Variants in DAB1 observed in about 807,000 individuals in gnomAD.
DAB1 encodes the protein DAB adaptor protein 1.
A neutral mutation model predicts 64.6 loss-of-function variants in DAB1; 15 were observed. The observed-to-expected ratio is 0.23, with a 90% CI of 0.16 to 0.36. DAB1 has a LOEUF of 0.36. DAB1 is among the 10% of genes least tolerant of loss of function. DAB1 has a pLI of 1.00. For missense variants in DAB1, 596 were observed against 706.7 expected, an observed-to-expected ratio of 0.84 and a Z score of 1.78; for synonymous variants, 235 against 251.9, an observed-to-expected ratio of 0.93 and a Z score of 0.64.
intron 7 of DAB1, among the ~76,000 whole-genome samples, chr1:57,601,176 T>C (rs560802905): frequency 9.8e-5 from 15 of 152,328 alleles, no homozygotes; most frequent in African/African-American, 3.1e-4. Context: ...AGGGTCTCTA[T>C]ACTTCCCGAG....
intron 1 of DAB1, among the ~76,000 whole-genome samples, chr1:57,393,288 C>T (rs890913301): frequency 6.6e-6 from 1 of 152,098 alleles, no homozygotes; most frequent in African/African-American, 2.4e-5. Flanking sequence ...GTCATTACTG[C>T]CAGTGATTCA....
chr1:57,023,773 C>A, intron 10 of DAB1, 134 bp from the exon 11 acceptor site: 1 of 652,280 alleles, frequency 1.5e-6, no homozygotes. Context: ...GTGTGCAGCC[C>A]ATGTGCTGGT....
rs565966373 is a variant in DAB1, at chr1:58,407,841, T to C, written n.258-64438A>G. Among the ~76,000 whole-genome samples, 16 of 152,286 alleles carry C rather than the reference T, an allele frequency of 1.1e-4. No homozygotes were observed. The East Asian group carries it at 3.1e-3, about 29-fold the overall frequency. On this transcript the variant is annotated intron_variant and non_coding_transcript_variant, in intron 3 of 20. Coordinates refer to the DAB1 transcript ENST00000485760. ...TTTAAAAATCAAGTCACTTTCTTAC[T>C]AAAAACCCTTCCAAAAACCTATGGC...
At chr1:57,389,923 C>A (rs574763520) in intron 1 of DAB1, among the ~76,000 whole-genome samples, 7 of 152,294 alleles carry the variant, frequency 4.6e-5, no homozygotes, top group African/African-American at 1.7e-4. Flanking sequence ...TCATTTATTC[C>A]TCAGTAAACG....
chr1:58,500,027 T>C (rs1172741047), intron 3 of DAB1, among the ~76,000 whole-genome samples: 1 of 152,196 alleles, frequency 6.6e-6, no homozygotes, highest in Non-Finnish European at 1.5e-5. Context: ...AAGCTTCCTT[T>C]GAAAACAGAA....
At chr1:57,033,281 G>A (rs1647023853) in intron 9 of DAB1, 1 of 1,215,272 alleles carries the variant, frequency 8.2e-7, no homozygotes, top group Non-Finnish European at 1.2e-6. Flanking sequence ...TACTAGAGCA[G>A]AGCAGGGCAG....
chr1:57,553,410 G>GAAAAAGAAAGAA (rs879761183), intron 7 of DAB1, among the ~76,000 whole-genome samples: 1 of 85,650 alleles, frequency 1.2e-5, no homozygotes, highest in Non-Finnish European at 2.1e-5. Context: ...AAGAAAGAAA[G>GAAAAAGAAAGAA]AAAGAAAGAA....
intron 1 of DAB1, among the ~76,000 whole-genome samples, chr1:57,863,617 T>C (rs1347160869): frequency 6.6e-6 from 1 of 152,134 alleles, no homozygotes; most frequent in African/African-American, 2.4e-5. Context: ...GGCTGGGCAC[T>C]GAGGCCAGGG....
rs553508752 is a variant in DAB1 at position 57,933,973 on chromosome 1, G to C, written n.388-49811C>G. Among the ~76,000 whole-genome samples the C allele has an allele frequency of 1.4e-4, 21 of 151,262 alleles. No individual in the cohort carries two copies. The East Asian group carries it at 4.1e-3, about 30-fold the overall frequency. On this transcript the variant is annotated intron_variant and non_coding_transcript_variant, in intron 5 of 20. Transcript: ENST00000485760. ...TGCAGTGGCGCGATCTTGGCTCACT[G>C]CAACCTCTGCCTCCCAGGTTCAAGC...
intron 5 of DAB1, among the ~76,000 whole-genome samples, chr1:57,931,768 T>C (rs975664277): frequency 1.3e-5 from 2 of 152,218 alleles, no homozygotes; most frequent in African/African-American, 2.4e-5. Context: ...TTACAGGCTT[T>C]CGATCTTACT....
At chr1:57,972,259 C>A (rs1401936735) in intron 5 of DAB1, among the ~76,000 whole-genome samples, 2 of 152,138 alleles carry the variant, frequency 1.3e-5, no homozygotes, top group East Asian at 3.9e-4. Context: ...TTTTTAGAGA[C>A]AGGGTTTCAC....
chr1:57,759,663 G>T (rs572779790), intron 6 of DAB1, among the ~76,000 whole-genome samples: 1 of 152,096 alleles, frequency 6.6e-6, no homozygotes, highest in Non-Finnish European at 1.5e-5. Flanking sequence ...TTCAGCAGAG[G>T]AATTAAATGA....
chr1:57,747,422 T>G (rs1648329290), intron 6 of DAB1, among the ~76,000 whole-genome samples: 1 of 152,174 alleles, frequency 6.6e-6, no homozygotes, highest in African/African-American at 2.4e-5. Flanking sequence ...AATGTAGTAT[T>G]TGGAACAGAA....
At chr1:57,310,389 A>G (rs1313358056) in intron 1 of DAB1, among the ~76,000 whole-genome samples, 6 of 152,190 alleles carry the variant, frequency 3.9e-5, no homozygotes, top group African/African-American at 1.4e-4. Context: ...CACTTTCATC[A>G]AAGAACAGTG....
At chr1:58,336,178 C>G (rs186589860) in intron 4 of DAB1, among the ~76,000 whole-genome samples, 4 of 152,288 alleles carry the variant, frequency 2.6e-5, no homozygotes, top group Admixed American at 2.6e-4. Flanking sequence ...GATGTAAAAT[C>G]TTTGTACCAG....
rs76764073 is a variant in DAB1 at position 58,186,699 on chromosome 1, T to C, written n.310-36111A>G. On this transcript the variant is annotated intron_variant and non_coding_transcript_variant, in intron 4 of 20. Transcript: ENST00000485760. ...TTATTTAGTGTGAGAGTCATCTACA[T>C]GGTTCTTCTGGCTTATCCTGGACTT... Among the ~76,000 whole-genome samples the C allele has an allele frequency of 3.6e-3, 554 of 152,274 alleles. 4 individuals are homozygous for C. The highest frequency in any genetic ancestry group is 0.013 in the African/African-American group (521 of 41,552).
At chr1:58,019,213 C>A (rs960170051) in intron 5 of DAB1, among the ~76,000 whole-genome samples, 1 of 152,150 alleles carries the variant, frequency 6.6e-6, no homozygotes, top group Admixed American at 6.5e-5. Flanking sequence ...ACTACCAGAG[C>A]AATTCATATT....
intron 7 of DAB1, among the ~76,000 whole-genome samples, chr1:57,585,495 G>A (rs1173310653): frequency 8.6e-5 from 13 of 151,912 alleles, no homozygotes; most frequent in South Asian, 6.2e-4. Context: ...ATTCTTTCAT[G>A]GAACAATAAT....
At chr1:57,756,457 G>A (rs1340113033) in intron 6 of DAB1, among the ~76,000 whole-genome samples, 1 of 152,134 alleles carries the variant, frequency 6.6e-6, no homozygotes, top group African/African-American at 2.4e-5. Context: ...AAGTGGGAGT[G>A]GGGGTTGGCA....
Sources: gnomAD v4.1 joint callset for allele counts (sites outside exome capture counted in the v4.1 genomes callset) on GRCh38, gnomAD v4.1.1 for gene constraint, MANE v1.5 for transcripts, NCBI Gene and HGNC (gene_info 2026-07-23, HGNC 2026-07-21) for gene names.